PCDHGA1: variants seen among roughly 807,000 people sequenced by gnomAD.
PCDHGA1 encodes protocadherin gamma subfamily A, 1, also known as protocadherin gamma-A1.
A neutral mutation model predicts 58.0 loss-of-function variants in PCDHGA1; 32 were observed. The ratio of observed to expected loss-of-function variants is 0.55; its 90% CI spans 0.42 to 0.74. PCDHGA1 has a LOEUF of 0.74. Among genes scored for constraint, PCDHGA1 ranks in the 30% least tolerant of loss-of-function variants. The probability of loss-of-function intolerance (pLI) is 0.00; values close to 1 mark genes in which losing one functional copy is unlikely to be tolerated. For synonymous variants in PCDHGA1, 498 were observed against 501.1 expected (o/e 0.99, Z 0.08); for missense variants, 1,205 against 1,182.3 (o/e 1.02, Z -0.28).
chr5:141,349,192 C>T (rs1021415525), intron 1 of PCDHGA1, among the ~76,000 whole-genome samples: 1 of 152,048 alleles, frequency 6.6e-6, no homozygotes, highest in Non-Finnish European at 1.5e-5. Context: ...GCCTCAACCT[C>T]CCGAGTAGCT....
At chr5:141,418,577 C>T (rs1173424447) in intron 1 of PCDHGA1, 2 of 1,614,038 alleles carry the variant, frequency 1.2e-6, no homozygotes, top group South Asian at 1.1e-5. Context: ...TGACAACCCC[C>T]CAGTGTTCAG....
rs543908773 is a variant in PCDHGA1, at chr5:141,400,145, A to G, written c.2421+67040A>G. ...CAGGAGGTGCTGCCGGATATCACTG[A>G]CCGCCCTGTACCCTCTGACCCCCAG... On this transcript the variant is annotated intron_variant, in intron 1 of 3. Coordinates refer to ENST00000517417, the MANE Select transcript of PCDHGA1 (RefSeq NM_018912.3). The G allele has an allele frequency of 4.1e-5, 66 of 1,613,312 alleles. No individual in the cohort carries two copies. The South Asian group carries it at 5.4e-4, about 13-fold the overall frequency.
intron 1 of PCDHGA1, chr5:141,383,337 A>G (rs1185721914): frequency 6.2e-7 from 1 of 1,614,066 alleles, no homozygotes; most frequent in East Asian, 2.2e-5. Flanking sequence ...TGGAGAATAC[A>G]GCTCCTGGGG....
intron 1 of PCDHGA1, chr5:141,392,542 A>T: frequency 3.1e-6 from 1 of 323,438 alleles, no homozygotes; most frequent in South Asian, 1.2e-4. Flanking sequence ...ATTTAGAAGT[A>T]ATCTGTATCT....
At chr5:141,507,797 C>T (rs933921827) in intron 3 of PCDHGA1, among the ~76,000 whole-genome samples, 3 of 152,240 alleles carry the variant, frequency 2.0e-5, no homozygotes, top group Non-Finnish European at 2.9e-5. Flanking sequence ...TCTAAGCCTG[C>T]GCCCTGGGGA....
At chr5:141,483,323 G>A (rs2099579999) in intron 1 of PCDHGA1, among the ~76,000 whole-genome samples, 1 of 152,104 alleles carries the variant, frequency 6.6e-6, no homozygotes, top group Non-Finnish European at 1.5e-5. Flanking sequence ...GGGACTGGAG[G>A]CAAAGAGATC....
chr5:141,499,721 G>GTC (rs1434016871), intron 2 of PCDHGA1, among the ~76,000 whole-genome samples: 69 of 135,416 alleles, frequency 5.1e-4, no homozygotes, highest in African/African-American at 1.9e-3. Flanking sequence ...TGGAGACAGA[G>GTC]TCTCACTCTC....
rs780024608 is a variant in PCDHGA1, at chr5:141,376,291, C to T, written c.2421+43186C>T. Reference sequence around the variant, plus strand: ...CGGGAGGTGGCTTAGCGAGCATGCCCGGCTCGCACTTTGTGGGCGTGGAAG... The same window carrying T: ...CGGGAGGTGGCTTAGCGAGCATGCCTGGCTCGCACTTTGTGGGCGTGGAAG... On this transcript the variant is annotated intron_variant, in intron 1 of 3. Coordinates refer to ENST00000517417, the MANE Select transcript of PCDHGA1 (RefSeq NM_018912.3). 8 of 1,614,158 alleles carry T rather than the reference C, an allele frequency of 5.0e-6. No homozygotes were observed. The East Asian group carries it at 6.7e-5, about 13-fold the overall frequency.
chr5:141,441,126 C>A (rs1319809408), intron 1 of PCDHGA1: 2 of 152,062 alleles, frequency 1.3e-5, no homozygotes, highest in Admixed American at 1.3e-4. Context: ...CAGTTGAGAC[C>A]GAATTTCTAG....
intron 1 of PCDHGA1, chr5:141,398,966 C>T: frequency 6.2e-7 from 1 of 1,613,962 alleles, no homozygotes; most frequent in Non-Finnish European, 8.5e-7. Flanking sequence ...ATTACTTATT[C>T]CTTCTACAGA....
intron 1 of PCDHGA1, chr5:141,339,664 G>A: frequency 3.1e-6 from 5 of 1,614,206 alleles, no homozygotes; most frequent in Non-Finnish European, 4.2e-6. Context: ...TCTGCGTGAA[G>A]GTCCTGGATG....
intron 1 of PCDHGA1, chr5:141,360,756 A>T: frequency 6.2e-7 from 1 of 1,614,010 alleles, no homozygotes; most frequent in Non-Finnish European, 8.5e-7. Context: ...AGCACAGTTT[A>T]CATCAATTGG....
intron 1 of PCDHGA1, among the ~76,000 whole-genome samples, chr5:141,462,009 G>C (rs2099028674): frequency 6.6e-6 from 1 of 152,190 alleles, no homozygotes; most frequent in Non-Finnish European, 1.5e-5. Flanking sequence ...TTTTAATAGA[G>C]ACGGGGTTTC....
At chr5:141,414,106 C>G (rs1424739885) in intron 1 of PCDHGA1, 2 of 1,592,536 alleles carry the variant, frequency 1.3e-6, no homozygotes, top group Non-Finnish European at 1.7e-6. Context: ...ATCAGAAAAT[C>G]TAGATTATGA....
chr5:141,491,666 G>T lies in PCDHGA1; in HGVS notation c.2422-3141G>T, dbSNP rs373526771. Reference sequence around the variant, plus strand: ...CTGGCGCTGGAGCCTGACGCCATCCGGTCCCGCTCTAATACGCTGCGGGAG... The same window carrying T: ...CTGGCGCTGGAGCCTGACGCCATCCTGTCCCGCTCTAATACGCTGCGGGAG... On this transcript the variant is annotated intron_variant, in intron 1 of 3. Transcript: ENST00000517417. This position sits in a 1 kb window ranked among gnomAD's most constrained non-coding sequence, Gnocchi z 6.9. 1.2e-6 allele frequency: 2 copies of T among 1,613,732 alleles called. No homozygotes were observed. Among genetic ancestry groups the T allele is most frequent in the Non-Finnish European group, 1.7e-6 (2 of 1,180,008 alleles).
At chr5:141,367,332 A>T (rs957450702) in intron 1 of PCDHGA1, 3 of 152,294 alleles carry the variant, frequency 2.0e-5, no homozygotes, top group African/African-American at 4.8e-5. Flanking sequence ...AGGTCAGGAG[A>T]TCGAGACCAT....
intron 1 of PCDHGA1, chr5:141,389,158 G>A (rs774342496): frequency 5.0e-6 from 8 of 1,613,850 alleles, no homozygotes; most frequent in African/African-American, 2.7e-5. Context: ...GCAACAGATC[G>A]GGGCAAGCCT....
chr5:141,389,741 G>T (rs537380299), intron 1 of PCDHGA1: 31 of 1,612,676 alleles, frequency 1.9e-5, no homozygotes, highest in Admixed American at 6.7e-5. Context: ...GCCTGGGGCT[G>T]CGCACGGGCG....
chr5:141,511,728 A>C lies in PCDHGA1; in HGVS notation c.*555A>C, dbSNP rs904031366. 2.2e-5 allele frequency: 4 copies of C among 177,940 alleles called. No homozygotes were observed. The highest frequency in any genetic ancestry group is 7.0e-5 in the African/African-American group (3 of 42,626). 11.0% of individuals were successfully genotyped at this position (177,940 alleles called of 1,614,324 possible). ...TCACCTCCTTCCAGAGCCCAAGATC[A>C]ATGCTCAAGTTTTGGAGGACATGAT... On this transcript the variant is annotated 3_prime_UTR_variant, in exon 4 of 4. Coordinates refer to ENST00000517417, the MANE Select transcript of PCDHGA1 (RefSeq NM_018912.3).
Sources: gnomAD v4.1 joint callset for allele counts (sites outside exome capture counted in the v4.1 genomes callset) on GRCh38, gnomAD v4.1.1 for gene constraint, Gnocchi (gnomAD v3.1) non-coding constraint, MANE v1.5 for transcripts, NCBI Gene and HGNC (gene_info 2026-07-23, HGNC 2026-07-21) for gene names.